ZNF469: variants seen among roughly 807,000 people sequenced by gnomAD.
ZNF469 encodes the protein zinc finger protein 469.
ZNF469 carries 1 observed loss-of-function variant against 1.0 expected under a neutral mutation model. That is an observed-to-expected ratio of 1.00 (90% CI 0.35 to 4.73). ZNF469 has a LOEUF of 4.73. Among genes scored for constraint, ZNF469 ranks in the 30% most tolerant of loss-of-function variants. ZNF469 has a pLI of 0.16. For missense variants in ZNF469, 6,100 were observed against 5,356.3 expected (o/e 1.14, Z -4.33); for synonymous variants, 2,703 against 2,363.4 (o/e 1.14, Z -4.17).
chr16:88,362,415 A>G, the ZNF469 span, among the ~76,000 whole-genome samples: 1 of 152,178 alleles, frequency 6.6e-6, no homozygotes, highest in Admixed American at 6.5e-5. Context: ...AAGTTTGTTT[A>G]GTATTTTCTT....
At chr16:88,177,863 A>G in the ZNF469 span, 1 of 152,008 alleles carries the variant, frequency 6.6e-6, no homozygotes, top group Admixed American at 6.5e-5. The surrounding 1 kb of genome is among the most constrained non-coding windows in gnomAD (Gnocchi z 4.8). Context: ...ATGCACCACC[A>G]CACCCGGCTA....
At chr16:88,287,051 C>T in the ZNF469 span, among the ~76,000 whole-genome samples, 1 of 152,174 alleles carries the variant, frequency 6.6e-6, no homozygotes, top group African/African-American at 2.4e-5. Flanking sequence ...TAACTAGTGT[C>T]CCCAAACACT....
At chr16:88,381,957 G>A (rs943642042), upstream of ZNF469, among the ~76,000 whole-genome samples, 1 of 152,276 alleles carries the variant, frequency 6.6e-6, no homozygotes, top group Non-Finnish European at 1.5e-5. Flanking sequence ...TTAAAAGGGT[G>A]TGCAACTTGA....
At chr16:88,380,925 C>CACAG (rs2092521270), upstream of ZNF469, among the ~76,000 whole-genome samples, 1 of 50,068 alleles carries the variant, frequency 2.0e-5, no homozygotes, top group Non-Finnish European at 2.9e-5. Flanking sequence ...TGCACTCACA[C>CACAG]AGACACGCAC....
At chr16:88,377,354 A>G in the ZNF469 span, among the ~76,000 whole-genome samples, 2 of 151,534 alleles carry the variant, frequency 1.3e-5, no homozygotes, top group Non-Finnish European at 2.9e-5. Context: ...GCTTCCGGCT[A>G]CTCTCCCGCT....
rs776675534 is a variant in ZNF469 at position 88,433,864 on chromosome 16, C to T, written c.6394C>T (p.Arg2132Cys). 7.7e-6 allele frequency: 12 copies of T among 1,549,178 alleles called. 1 individual carries two copies. The highest frequency in any genetic ancestry group is 1.7e-4 in the Middle Eastern group (1 of 5,988). The change falls in exon 3 of 3, where the codon CGT becomes TGT. Residue 2132 changes from arginine to cysteine, a missense_variant. Physicochemically the swap from Arg to Cys is radical, Grantham distance 180. Transcript: ENST00000565624. ...HMPCSLGPLP[R>C]EDPLTSPSRA... is the part of the protein sequence containing the mutation. ...GCCCTGCAGCCTTGGGCCCCTGCCCCGTGAAGACCCACTTACCTCGCCTTC... is the reference window on the plus strand; with the variant it reads ...GCCCTGCAGCCTTGGGCCCCTGCCCTGTGAAGACCCACTTACCTCGCCTTC...
At position 88,402,252 on chromosome 16, in the gene ZNF469, C is replaced by G. The variant is rs1436994377; in HGVS notation, c.-192+18998C>G. On this transcript the variant is annotated intron_variant, in intron 1 of 2. Transcript: ENST00000565624. ...GATGGTGACTGCAGTCTTCCAGGCA[C>G]CAGAAGCACAGTGGTGACCCTGTCC... Among the ~76,000 whole-genome samples, 3 of 152,024 alleles carry G rather than the reference C, an allele frequency of 2.0e-5. No homozygotes were observed. The East Asian group carries it at 5.8e-4, about 29-fold the overall frequency.
chr16:88,207,861 G>A, the ZNF469 span, among the ~76,000 whole-genome samples: 2 of 151,830 alleles, frequency 1.3e-5, no homozygotes, highest in Non-Finnish European at 2.9e-5. Context: ...TCCACATCTC[G>A]ATCCCATCTG....
Position 88,436,942 on chromosome 16 carries a change from C to T in ZNF469, c.9472C>T (p.Leu3158=). 6.7e-7 allele frequency: 1 copy of T among 1,492,846 alleles called. No homozygotes were observed. The highest frequency in any genetic ancestry group is 8.9e-7 in the Non-Finnish European group (1 of 1,122,642). 92.5% of individuals were successfully genotyped at this position (1,492,846 alleles called of 1,614,324 possible). A position where few individuals can be genotyped will look rare whatever the true frequency, so the allele number is the denominator to read the frequency against. The change falls in exon 3 of 3, where the codon CTG becomes TTG. Residue 3158 remains leucine, a synonymous_variant. Transcript: ENST00000565624. ...GGAGCGCAGGTTTGGCTCGCGGGAG[C>T]TGCTGCGGGGGCACCTGCAGGAGAG... is the stretch of plus-strand genomic sequence containing the variant. The part of the protein sequence containing the change: ...CVERRFGSRE[L]LRGHLQERHA...
At chr16:88,345,590 C>A in the ZNF469 span, among the ~76,000 whole-genome samples, 1 of 152,118 alleles carries the variant, frequency 6.6e-6, no homozygotes, top group African/African-American at 2.4e-5. Flanking sequence ...CATGGCAGAA[C>A]CCACACCTGG....
the ZNF469 span, among the ~76,000 whole-genome samples, chr16:88,105,469 T>C: frequency 2.7e-3 from 406 of 152,244 alleles, 1 homozygote; most frequent in African/African-American, 9.1e-3. Context: ...CACGCCCAGC[T>C]AATTTTCGTA....
At chr16:88,290,530 C>T in the ZNF469 span, among the ~76,000 whole-genome samples, 7 of 152,288 alleles carry the variant, frequency 4.6e-5, no homozygotes, top group African/African-American at 1.7e-4. Context: ...CTGAGGCATT[C>T]CTGAAAGTTC....
At chr16:88,284,855 T>C in the ZNF469 span, among the ~76,000 whole-genome samples, 1 of 152,246 alleles carries the variant, frequency 6.6e-6, no homozygotes, top group Non-Finnish European at 1.5e-5. Context: ...GGATTCCTGA[T>C]GCTGAAAGGG....
Position 88,430,443 on chromosome 16 carries a change from A to ACCCCGT in ZNF469, c.2979_2984dup (p.Pro994_Arg995dup). 6.7e-7 allele frequency: 1 copy of ACCCCGT among 1,496,262 alleles called. No individual in the cohort carries two copies. Among genetic ancestry groups the ACCCCGT allele is most frequent in the South Asian group, 1.3e-5 (1 of 79,874 alleles). The allele number at this position is 1,496,262 out of a possible 1,614,324, so 92.7% of individuals were successfully genotyped here. A position where few individuals can be genotyped will look rare whatever the true frequency, so the allele number is the denominator to read the frequency against. ...ACGACGGTCTCGGGGAGCGGCCCCC[A>ACCCCGT]CCCCGTCCCCGGCGCCCTAGAACGC... On this transcript the variant is annotated inframe_insertion, in exon 3 of 3. Coordinates refer to ENST00000565624, the MANE Select transcript of ZNF469 (RefSeq NM_001367624.2).
chr16:88,188,628 G>A, the ZNF469 span, among the ~76,000 whole-genome samples: 2 of 152,194 alleles, frequency 1.3e-5, no homozygotes, highest in Admixed American at 1.3e-4. Flanking sequence ...CAGGAGGTCT[G>A]GGATGCCCCA....
At chr16:88,182,378 A>G in the ZNF469 span, among the ~76,000 whole-genome samples, 1 of 152,288 alleles carries the variant, frequency 6.6e-6, no homozygotes, top group South Asian at 2.1e-4. Flanking sequence ...ACTGCAAGCT[A>G]ATTCTAAACT....
At chr16:88,363,873 C>T in the ZNF469 span, among the ~76,000 whole-genome samples, 1 of 152,198 alleles carries the variant, frequency 6.6e-6, no homozygotes, top group Non-Finnish European at 1.5e-5. Context: ...TAGTTATTAC[C>T]TGCATGCAGG....
chr16:88,270,691 G>A, the ZNF469 span, among the ~76,000 whole-genome samples: 4 of 152,220 alleles, frequency 2.6e-5, no homozygotes, highest in Non-Finnish European at 4.4e-5. Context: ...TCTCCAGGCT[G>A]CTTTCCTCTG....
Position 88,438,915 on chromosome 16 carries a change from G to A in ZNF469, c.11445G>A (p.Thr3815=), listed in dbSNP as rs1249330646. 1.1e-5 allele frequency: 17 copies of A among 1,550,456 alleles called. No individual in the cohort carries two copies. The highest frequency in any genetic ancestry group is 2.4e-5 in the South Asian group (2 of 84,068). Residue 3815 remains threonine (T), a synonymous_variant, in exon 3 of 3, where the codon ACG becomes ACA. Coordinates refer to ENST00000565624, the MANE Select transcript of ZNF469 (RefSeq NM_001367624.2). ...CCAAGGAGAAGGGAGAGAGCAGTAC[G>A]AAGAGGAAAAAGGGCCAGGTCCCAG... is the stretch of plus-strand genomic sequence containing the variant. ...LGPKEKGESS[T]KRKKGQVPGP... is the part of the protein sequence containing the mutation.
Sources: allele counts gnomAD v4.1 joint callset (sites outside exome capture counted in the v4.1 genomes callset), GRCh38; gene constraint gnomAD v4.1.1; non-coding constraint Gnocchi (gnomAD v3.1); transcripts MANE v1.5; gene names NCBI Gene and HGNC (gene_info 2026-07-23, HGNC 2026-07-21).